ONECUT2: variants seen among roughly 807,000 people sequenced by gnomAD.
The protein encoded by ONECUT2 is one cut homeobox 2, also known as one cut domain family member 2.
In ONECUT2, 10 loss-of-function variants were observed where a neutral mutation model predicts 27.9. That is an observed-to-expected ratio of 0.36 (90% CI 0.22 to 0.61). The LOEUF is 0.61. Ranked by LOEUF, ONECUT2 falls within the 20% of genes least tolerant of loss-of-function variation. The pLI is 0.73. For synonymous variants in ONECUT2, 334 were observed against 315.1 expected, an observed-to-expected ratio of 1.06 and a Z score of -0.64; for missense variants, 686 against 721.0, an observed-to-expected ratio of 0.95 and a Z score of 0.56.
chr18:57,459,575 G>A (rs1324654063), intron 1 of ONECUT2, among the ~76,000 whole-genome samples: 2 of 151,704 alleles, frequency 1.3e-5, no homozygotes, highest in Admixed American at 6.6e-5. Flanking sequence ...TATTTTTTAT[G>A]AGACAGAGTT....
rs1024241328 is a variant in ONECUT2, at chr18:57,481,477, C to T, written c.*4754C>T. 1.8e-4 allele frequency: 28 copies of T among 152,124 alleles called. No individual in the cohort carries two copies. The highest frequency in any genetic ancestry group is 6.8e-4 in the African/African-American group (28 of 41,436). 9.4% of individuals were successfully genotyped at this position (152,124 alleles called of 1,614,324 possible). Reference sequence around the variant, plus strand: ...TAAGTCAAACAACATATTTCAAAACCAAAAATAAATACCTTTTAGATAATC... The same window carrying T: ...TAAGTCAAACAACATATTTCAAAACTAAAAATAAATACCTTTTAGATAATC... On this transcript the variant is annotated 3_prime_UTR_variant, in exon 2 of 2. Transcript: ENST00000491143.
At position 57,490,259 on chromosome 18, in the gene ONECUT2, A is replaced by C. The variant is rs191393937; in HGVS notation, c.*13536A>C. On this transcript the variant is annotated 3_prime_UTR_variant, in exon 2 of 2. Coordinates refer to ENST00000491143, the MANE Select transcript of ONECUT2 (RefSeq NM_004852.3). ...TCCTTCCACCAAAGTGAGTGAAAACAAGTTCCAGTATCTTTTCTTCCATCC... is the reference window on the plus strand; with the variant it reads ...TCCTTCCACCAAAGTGAGTGAAAACCAGTTCCAGTATCTTTTCTTCCATCC... 1 of 152,362 alleles carries C rather than the reference A, an allele frequency of 6.6e-6. No individual in the cohort carries two copies. Among genetic ancestry groups the C allele is most frequent in the Admixed American group, 6.5e-5 (1 of 15,304 alleles). The allele number at this position is 152,362 out of a possible 1,614,324, so 9.4% of individuals were successfully genotyped here.
At chr18:57,444,415 C>T (rs2050191086) in intron 1 of ONECUT2, 1 of 456,620 alleles carries the variant, frequency 2.2e-6, no homozygotes, top group South Asian at 1.5e-5. Context: ...CCTTGAGTTC[C>T]AGCAGGATCT....
Position 57,487,596 on chromosome 18 carries a change from A to G in ONECUT2, c.*10873A>G, listed in dbSNP as rs1265423181. The G allele has an allele frequency of 1.3e-5, 2 of 152,158 alleles. No individual in the cohort carries two copies. Among genetic ancestry groups the G allele is most frequent in the African/African-American group, 4.8e-5 (2 of 41,434 alleles). The allele number at this position is 152,158 out of a possible 1,614,324, so 9.4% of individuals were successfully genotyped here. A position where few individuals can be genotyped will look rare whatever the true frequency, so the allele number is the denominator to read the frequency against. ...TTCTCTTTTGTCCACTCTCCTAGAC[A>G]TTCCCACCAACTGTTCCAGTGATTT... On this transcript the variant is annotated 3_prime_UTR_variant, in exon 2 of 2. Transcript: ENST00000491143.
chr18:57,486,833 C>A lies in ONECUT2; in HGVS notation c.*10110C>A, dbSNP rs970992551. On this transcript the variant is annotated 3_prime_UTR_variant, in exon 2 of 2. Transcript: ENST00000491143. ...TGTTGAAAAGAATAATTATTTTCTA[C>A]ATTTGTGCCACTTGGTCTGAACAAT... The A allele has an allele frequency of 6.6e-6, 1 of 152,562 alleles. No individual in the cohort carries two copies. The highest frequency in any genetic ancestry group is 6.5e-5 in the Admixed American group (1 of 15,268). 9.5% of individuals were successfully genotyped at this position (152,562 alleles called of 1,614,324 possible).
intron 1 of ONECUT2, among the ~76,000 whole-genome samples, chr18:57,437,425 A>G (rs1344411731): frequency 6.6e-6 from 1 of 152,256 alleles, no homozygotes; most frequent in Non-Finnish European, 1.5e-5. Flanking sequence ...GTGCAGAGGC[A>G]GTTGAGAGGC....
Position 57,480,768 on chromosome 18 carries a change from A to G in ONECUT2, c.*4045A>G, listed in dbSNP as rs1237961328. 6.6e-6 allele frequency: 1 copy of G among 152,226 alleles called. No individual in the cohort carries two copies. Among genetic ancestry groups the G allele is most frequent in the Non-Finnish European group, 1.5e-5 (1 of 68,040 alleles). The allele number at this position is 152,226 out of a possible 1,614,324, so 9.4% of individuals were successfully genotyped here. ...CAGAATTTCAATTTGTTAGAAATCT[A>G]ACAGAAAAAAATTTCTATATTGAAA... is the stretch of plus-strand genomic sequence containing the variant. On this transcript the variant is annotated 3_prime_UTR_variant, in exon 2 of 2. Coordinates refer to ENST00000491143, the MANE Select transcript of ONECUT2 (RefSeq NM_004852.3).
chr18:57,467,206 T>G (rs1568123510), intron 1 of ONECUT2: 1 of 456,532 alleles, frequency 2.2e-6, no homozygotes, highest in Non-Finnish European at 4.4e-6. Context: ...CTGTGCGGTC[T>G]GCCTCCAGCC....
rs767035885 is a variant in ONECUT2, at chr18:57,436,567, C to T, written c.851C>T (p.Pro284Leu). ...EQHLSRGLGT[P>L]PAAMMSHLNG... ...CACCTGTCCCGCGGCCTGGGCACCCCACCTGCGGCCATGATGTCGCACCTG... is the reference window on the plus strand; with the variant it reads ...CACCTGTCCCGCGGCCTGGGCACCCTACCTGCGGCCATGATGTCGCACCTG... The change falls in exon 1 of 2, where the codon CCA becomes CTA. Residue 284 changes from proline (P) to leucine (L), a missense_variant. Physicochemically the swap from Pro to Leu is moderately conservative, Grantham distance 98 (BLOSUM62 -3). Around this residue, in one of 4 missense-constraint regions of ONECUT2, gnomAD observed 511 missense variants for 488.1 expected, o/e 1.05. Transcript: ENST00000491143. The surrounding 1 kb of genome is among the most constrained non-coding windows in gnomAD (Gnocchi z 5.9). 6.2e-7 allele frequency: 1 copy of T among 1,611,196 alleles called. No individual in the cohort carries two copies. Among genetic ancestry groups the T allele is most frequent in the East Asian group, 2.2e-5 (1 of 44,872 alleles).
chr18:57,440,339 A>G (rs1450945596), intron 1 of ONECUT2, among the ~76,000 whole-genome samples: 2 of 152,186 alleles, frequency 1.3e-5, no homozygotes, highest in South Asian at 2.1e-4. Flanking sequence ...CCAGGCTAGA[A>G]CTTGCACGGG....
rs1463217029 is a variant in ONECUT2 at position 57,483,752 on chromosome 18, C to A, written c.*7029C>A. 1.3e-5 allele frequency: 2 copies of A among 152,588 alleles called. No individual in the cohort carries two copies. Among genetic ancestry groups the A allele is most frequent in the Non-Finnish European group, 2.9e-5 (2 of 68,016 alleles). 9.5% of individuals were successfully genotyped at this position (152,588 alleles called of 1,614,324 possible). A position where few individuals can be genotyped will look rare whatever the true frequency, so the allele number is the denominator to read the frequency against. ...CTCTTAAATTAACTTTTAAAATAGT[C>A]TAAGTAACAATTTTTAAATTATTTA... On this transcript the variant is annotated 3_prime_UTR_variant, in exon 2 of 2. Transcript: ENST00000491143.
At chr18:57,462,383 GA>G (rs1221379263) in intron 1 of ONECUT2, among the ~76,000 whole-genome samples, 2 of 152,280 alleles carry the variant, frequency 1.3e-5, no homozygotes, top group East Asian at 1.9e-4. Flanking sequence ...TTGAAAAACA[GA>G]AGTTCTTAAA....
In ONECUT2 at chr18:57,435,954, G is replaced by T; in HGVS notation, c.238G>T (p.Gly80Cys). 1.5e-6 allele frequency: 2 copies of T among 1,332,812 alleles called. No individual in the cohort carries two copies. Among genetic ancestry groups the T allele is most frequent in the South Asian group, 4.1e-5 (2 of 48,956 alleles). 82.6% of individuals were successfully genotyped at this position (1,332,812 alleles called of 1,614,324 possible). Residue 80 changes from glycine (G) to cysteine (C), a missense_variant, in exon 1 of 2, where the codon GGC becomes TGC. Transcript: ENST00000491143. ...CCGCGGCGCCGCTGGCTCGCTGCGG[G>T]GCCCTCCGCCGCCTCCAACCGCGCA... ...AGRGAAGSLRGPPPPPTAHQE... is the reference protein window; with the variant it reads ...AGRGAAGSLRCPPPPPTAHQE...
At position 57,479,221 on chromosome 18, in the gene ONECUT2, T is replaced by C. The variant is rs17758515; in HGVS notation, c.*2498T>C. ...TACAGCCTCGTTTTCATGTGATTGC[T>C]ACATCCTAACAGGGCTTCATTTGGG... On this transcript the variant is annotated 3_prime_UTR_variant, in exon 2 of 2. Transcript: ENST00000491143. The C allele has an allele frequency of 0.53, 81,056 of 152,358 alleles. 24,566 individuals are homozygous for C. Among genetic ancestry groups the C allele is most frequent in the Non-Finnish European group, 0.7 (47,254 of 67,970 alleles). The allele number at this position is 152,358 out of a possible 1,614,324, so 9.4% of individuals were successfully genotyped here. A position where few individuals can be genotyped will look rare whatever the true frequency, so the allele number is the denominator to read the frequency against.
At chr18:57,476,380 G>A in intron 1 of ONECUT2, 57 bp from the exon 2 acceptor site, 3 of 1,556,262 alleles carry the variant, frequency 1.9e-6, no homozygotes, top group South Asian at 1.2e-5. Context: ...TGTTTTCCAT[G>A]GATCACCTTC....
intron 1 of ONECUT2, among the ~76,000 whole-genome samples, chr18:57,475,635 C>T (rs2050378073): frequency 6.6e-6 from 1 of 152,144 alleles, no homozygotes; most frequent in Admixed American, 6.5e-5. Context: ...GCCTTGACTG[C>T]ATATGTCAGC....
In ONECUT2 at chr18:57,443,088, G is replaced by T. The variant is rs138614931; in HGVS notation, c.1228+6144G>T. ...AAAACTCTCAGGAAGAAAGTCCTGG[G>T]CTCCACACTCCATGGCTAGTGGCTG... On this transcript the variant is annotated intron_variant, in intron 1 of 1. Transcript: ENST00000491143. Among the ~76,000 whole-genome samples, 872 of 152,302 alleles carry T rather than the reference G, an allele frequency of 5.7e-3. 16 individuals carry two copies. Among genetic ancestry groups the T allele is most frequent in the African/African-American group, 0.019 (789 of 41,562 alleles).
chr18:57,441,511 C>G (rs1213133484), intron 1 of ONECUT2, among the ~76,000 whole-genome samples: 1 of 152,238 alleles, frequency 6.6e-6, no homozygotes, highest in African/African-American at 2.4e-5. Flanking sequence ...TCTGCACCCC[C>G]TCCCCCGACC....
rs760921135 is a variant in ONECUT2 at position 57,487,035 on chromosome 18, G to A, written c.*10312G>A. Reference sequence around the variant, plus strand: ...CAATGGACTTTATTTATGCATGGGCGCCTATTGTTTGTTAGCAGTTGTGGA... The same window carrying A: ...CAATGGACTTTATTTATGCATGGGCACCTATTGTTTGTTAGCAGTTGTGGA... On this transcript the variant is annotated 3_prime_UTR_variant, in exon 2 of 2. Coordinates refer to ENST00000491143, the MANE Select transcript of ONECUT2 (RefSeq NM_004852.3). 5.9e-5 allele frequency: 9 copies of A among 152,538 alleles called. No homozygotes were observed. The highest frequency in any genetic ancestry group is 9.7e-5 in the African/African-American group (4 of 41,396). 9.4% of individuals were successfully genotyped at this position (152,538 alleles called of 1,614,324 possible).
Sources: allele counts gnomAD v4.1 joint callset (sites outside exome capture counted in the v4.1 genomes callset), GRCh38; gene constraint gnomAD v4.1.1; regional missense constraint gnomAD v4.1.1; non-coding constraint Gnocchi (gnomAD v3.1); transcripts MANE v1.5; gene names NCBI Gene and HGNC (gene_info 2026-07-23, HGNC 2026-07-21).